Variants in ADAMTS17 observed in about 807,000 individuals in gnomAD.
ADAMTS17 encodes the protein ADAM metallopeptidase with thrombospondin type 1 motif 17.
In ADAMTS17, 113 loss-of-function variants were observed where a neutral mutation model predicts 141.5. The observed-to-expected ratio is 0.80, with a 90% CI of 0.69 to 0.93. ADAMTS17 has a LOEUF of 0.93. ADAMTS17 is among the 40% of genes least tolerant of loss of function. The pLI is 0.00. For missense variants in ADAMTS17, 1,659 were observed against 1,517.9 expected, an observed-to-expected ratio of 1.09 and a Z score of -1.54; for synonymous variants, 768 against 630.6, an observed-to-expected ratio of 1.22 and a Z score of -3.27.
At chr15:100,266,290 C>T (rs557653775) in intron 4 of ADAMTS17, among the ~76,000 whole-genome samples, 1 of 152,330 alleles carries the variant, frequency 6.6e-6, no homozygotes. Context: ...AGGAGAATCA[C>T]ATGATGTACA....
At chr15:100,000,106 T>C (rs942966342) in intron 18 of ADAMTS17, among the ~76,000 whole-genome samples, 12 of 152,192 alleles carry the variant, frequency 7.9e-5, no homozygotes, top group African/African-American at 2.9e-4. Flanking sequence ...GAAGCCCGTG[T>C]AAATGTAACT....
chr15:100,183,147 CCTGA>C (rs1334152859), intron 8 of ADAMTS17, among the ~76,000 whole-genome samples: 2 of 152,128 alleles, frequency 1.3e-5, no homozygotes, highest in East Asian at 1.9e-4. Context: ...CACCACAAAA[CCTGA>C]CTAAGTTTTG....
intron 7 of ADAMTS17, among the ~76,000 whole-genome samples, chr15:100,240,529 G>C (rs1021240177): frequency 6.6e-6 from 1 of 152,160 alleles, no homozygotes; most frequent in African/African-American, 2.4e-5. Context: ...CTACCAGGAA[G>C]AACAGAAGTT....
chr15:100,308,857 C>T (rs1262979012), intron 3 of ADAMTS17, among the ~76,000 whole-genome samples: 1 of 152,162 alleles, frequency 6.6e-6, no homozygotes, highest in Non-Finnish European at 1.5e-5. Flanking sequence ...GTTTCGTGCC[C>T]TGGTCAGATG....
At chr15:100,316,113 C>G (rs2045558401) in intron 3 of ADAMTS17, among the ~76,000 whole-genome samples, 1 of 152,178 alleles carries the variant, frequency 6.6e-6, no homozygotes, top group African/African-American at 2.4e-5. Flanking sequence ...TAGAAAGTAA[C>G]AAACTTTCTT....
intron 8 of ADAMTS17, among the ~76,000 whole-genome samples, chr15:100,167,642 G>A (rs543675448): frequency 6.6e-6 from 1 of 152,264 alleles, no homozygotes; most frequent in Non-Finnish European, 1.5e-5. Context: ...TCCTATGGAT[G>A]GCATGCAGTG....
intron 2 of ADAMTS17, among the ~76,000 whole-genome samples, chr15:100,332,529 C>A (rs765767909): frequency 4.7e-4 from 72 of 152,196 alleles, no homozygotes; most frequent in Non-Finnish European, 7.9e-4. Flanking sequence ...CAAAGCCCCC[C>A]CAGGATCTAG....
intron 7 of ADAMTS17, among the ~76,000 whole-genome samples, chr15:100,214,935 C>T (rs970248629): frequency 5.9e-5 from 9 of 152,238 alleles, no homozygotes; most frequent in Non-Finnish European, 1.3e-4. Flanking sequence ...GCAGAGACAA[C>T]TCTCTTTTAG....
chr15:100,229,169 G>C (rs1383291983), intron 7 of ADAMTS17, among the ~76,000 whole-genome samples: 1 of 152,118 alleles, frequency 6.6e-6, no homozygotes, highest in Non-Finnish European at 1.5e-5. Flanking sequence ...TGACACTGCA[G>C]GTGCTGAGGA....
chr15:100,165,869 A>G (rs1596162477), intron 8 of ADAMTS17, among the ~76,000 whole-genome samples: 1 of 152,044 alleles, frequency 6.6e-6, no homozygotes, highest in East Asian at 1.9e-4. Flanking sequence ...CAATGAACCA[A>G]TTCTTTTTCC....
intron 7 of ADAMTS17, among the ~76,000 whole-genome samples, chr15:100,245,901 G>A (rs1596352497): frequency 6.6e-6 from 1 of 152,252 alleles, no homozygotes; most frequent in East Asian, 1.9e-4. Flanking sequence ...GTGTACGTGT[G>A]TACATATGTG....
chr15:100,161,632 CAATA>C (rs975406530), intron 8 of ADAMTS17, among the ~76,000 whole-genome samples: 7 of 152,180 alleles, frequency 4.6e-5, no homozygotes, highest in Non-Finnish European at 8.8e-5. Context: ...ATCAACATAA[CAATA>C]ATTAACAGGC....
chr15:100,253,252 C>A (rs1158942269), intron 7 of ADAMTS17, among the ~76,000 whole-genome samples: 8 of 140,606 alleles, frequency 5.7e-5, no homozygotes, highest in African/African-American at 2.2e-4. Flanking sequence ...ACACTGTGTG[C>A]AAAGAATGGT....
chr15:100,320,204 C>A (rs1347014987), intron 3 of ADAMTS17, among the ~76,000 whole-genome samples: 1 of 151,922 alleles, frequency 6.6e-6, no homozygotes, highest in East Asian at 1.9e-4. Flanking sequence ...AAAGATGACA[C>A]AAAACATGGA....
intron 18 of ADAMTS17, among the ~76,000 whole-genome samples, chr15:100,031,158 G>A (rs990118845): frequency 4.6e-5 from 7 of 152,142 alleles, no homozygotes; most frequent in Admixed American, 6.5e-5. Context: ...GGGGTGAGGT[G>A]GGGACCTGAG....
chr15:100,294,241 A>G (rs546698550), intron 3 of ADAMTS17, among the ~76,000 whole-genome samples: 2 of 152,174 alleles, frequency 1.3e-5, no homozygotes, highest in Non-Finnish European at 2.9e-5. Context: ...GCATGTCCCC[A>G]GAACCACATA....
intron 15 of ADAMTS17, among the ~76,000 whole-genome samples, chr15:100,067,324 G>A (rs2033612122): frequency 6.6e-6 from 1 of 151,936 alleles, no homozygotes; most frequent in Admixed American, 6.6e-5. Flanking sequence ...CTTCCCTTAT[G>A]ATATTGAGAA....
chr15:99,977,697 T>C (rs1391529472), intron 20 of ADAMTS17, among the ~76,000 whole-genome samples: 1 of 151,774 alleles, frequency 6.6e-6, no homozygotes, highest in Non-Finnish European at 1.5e-5. Context: ...ATTACAGGAG[T>C]GAGCCACCGT....
At chr15:99,985,329 C>T (rs1244719223) in intron 20 of ADAMTS17, among the ~76,000 whole-genome samples, 1 of 152,238 alleles carries the variant, frequency 6.6e-6, no homozygotes. Context: ...TGCCATGGCA[C>T]AGTTTCATGT....
Sources: allele counts gnomAD v4.1 joint callset (sites outside exome capture counted in the v4.1 genomes callset), GRCh38; gene constraint gnomAD v4.1.1; transcripts MANE v1.5; gene names NCBI Gene and HGNC (gene_info 2026-07-23, HGNC 2026-07-21).